The following MTFR1 variants were observed in gnomAD, a reference collection of about 807,000 sequenced individuals.
The protein encoded by MTFR1 is mitochondrial fission regulator 1, also known as chondrocyte protein with a poly-proline region.
In MTFR1, 28 loss-of-function variants were observed where a neutral mutation model predicts 38.8. The ratio of observed to expected loss-of-function variants is 0.72; its 90% CI spans 0.53 to 0.99. MTFR1 has a LOEUF of 0.99. Among genes scored for constraint, MTFR1 ranks in the 50% least tolerant of loss-of-function variants. MTFR1 has a pLI of 0.00. For missense variants in MTFR1, 358 were observed against 395.5 expected, an observed-to-expected ratio of 0.91 and a Z score of 0.81; for synonymous variants, 145 against 137.0, an observed-to-expected ratio of 1.06 and a Z score of -0.41.
At chr8:65,741,400 G>A (rs1807430230) in intron 3 of MTFR1, among the ~76,000 whole-genome samples, 1 of 152,154 alleles carries the variant, frequency 6.6e-6, no homozygotes, top group African/African-American at 2.4e-5. Context: ...ATAAAGGACT[G>A]TTTGGTTAAC....
At chr8:65,751,475 GTTTTT>G (rs796547034) in intron 3 of MTFR1, among the ~76,000 whole-genome samples, 1 of 147,268 alleles carries the variant, frequency 6.8e-6, no homozygotes, top group Non-Finnish European at 1.5e-5. Flanking sequence ...CCTTCCTGAG[GTTTTT>G]TTTTTTCTTT....
chr8:65,675,567 C>G (rs1383064288), intron 2 of MTFR1, among the ~76,000 whole-genome samples: 1 of 152,116 alleles, frequency 6.6e-6, no homozygotes, highest in Non-Finnish European at 1.5e-5. Context: ...CCACTGCACT[C>G]CAGCCTGGGC....
chr8:65,677,375 T>C lies in MTFR1; in HGVS notation c.67-4978T>C, dbSNP rs1804741484. Among the ~76,000 whole-genome samples, 3 of 149,306 alleles carry C rather than the reference T, an allele frequency of 2.0e-5. No homozygotes were observed. In the South Asian group the frequency reaches 6.4e-4, roughly 32 times the overall value. ...ATGAACCACTGCGCCTGGCCCTGTT[T>C]AGCTGTTTCTTTTTTTTTTTTTTTT... On this transcript the variant is annotated intron_variant, in intron 2 of 7. Coordinates refer to ENST00000262146, the MANE Select transcript of MTFR1 (RefSeq NM_014637.4).
Position 65,693,636 on chromosome 8 carries a change from A to G in MTFR1, c.166-8A>G. 6.2e-7 allele frequency: 1 copy of G among 1,611,880 alleles called. No homozygotes were observed. The highest frequency in any genetic ancestry group is 8.5e-7 in the Non-Finnish European group (1 of 1,178,160). ...TGGTGAAGAACTTTCCCTATTTATAACTTACAGATTAACAGCCATGCAACA... is the reference window on the plus strand; with the variant it reads ...TGGTGAAGAACTTTCCCTATTTATAGCTTACAGATTAACAGCCATGCAACA... On this transcript the variant is annotated splice_polypyrimidine_tract_variant and splice_region_variant and intron_variant, in intron 3 of 7. Transcript: ENST00000262146.
intron 3 of MTFR1, among the ~76,000 whole-genome samples, chr8:65,761,142 C>T (rs1347290822): frequency 1.3e-5 from 2 of 152,028 alleles, no homozygotes; most frequent in Non-Finnish European, 2.9e-5. Flanking sequence ...TCACTGCAAC[C>T]TCCGCCTCCC....
At chr8:65,753,786 G>A (rs1318023462) in intron 3 of MTFR1, among the ~76,000 whole-genome samples, 3 of 152,042 alleles carry the variant, frequency 2.0e-5, no homozygotes, top group Non-Finnish European at 4.4e-5. Context: ...TTCATATATT[G>A]TGGAAATCCA....
chr8:65,736,666 G>A (rs1022401838), intron 3 of MTFR1, among the ~76,000 whole-genome samples: 7 of 151,862 alleles, frequency 4.6e-5, no homozygotes, highest in Admixed American at 2.0e-4. Context: ...TGGGAGGATC[G>A]CATGAGCCGA....
At chr8:65,761,699 C>T (rs1808501637) in intron 3 of MTFR1, among the ~76,000 whole-genome samples, 1 of 152,232 alleles carries the variant, frequency 6.6e-6, no homozygotes, top group Non-Finnish European at 1.5e-5. Context: ...ACTTAGTGAT[C>T]ACGGGTATTA....
intron 1 of MTFR1, among the ~76,000 whole-genome samples, chr8:65,669,574 CAG>C (rs1804502706): frequency 6.7e-6 from 1 of 149,830 alleles, no homozygotes; most frequent in Non-Finnish European, 1.5e-5. Flanking sequence ...TTTTTTGAGA[CAG>C]AGTCTCGCTC....
chr8:65,731,966 A>ATATTAT (rs137999443), intron 3 of MTFR1, among the ~76,000 whole-genome samples: 34 of 151,062 alleles, frequency 2.3e-4, no homozygotes, highest in East Asian at 5.8e-4. Flanking sequence ...GTCATTCTCT[A>ATATTAT]TATTATTATT....
intron 3 of MTFR1, among the ~76,000 whole-genome samples, chr8:65,753,092 T>C (rs1489932768): frequency 6.6e-6 from 1 of 152,214 alleles, no homozygotes; most frequent in Non-Finnish European, 1.5e-5. Flanking sequence ...TGGTAGGAAA[T>C]TTAGTCACAA....
chr8:65,732,927 C>G (rs1251357796), intron 3 of MTFR1, among the ~76,000 whole-genome samples: 1 of 151,898 alleles, frequency 6.6e-6, no homozygotes, highest in African/African-American at 2.4e-5. Flanking sequence ...CCAGGCTGGT[C>G]TCAAACTCCT....
At chr8:65,756,295 C>CATGT (rs1424091313) in intron 3 of MTFR1, among the ~76,000 whole-genome samples, 1 of 152,154 alleles carries the variant, frequency 6.6e-6, no homozygotes, top group Non-Finnish European at 1.5e-5. Context: ...TGTGCATATT[C>CATGT]ATGTCTTCAT....
At chr8:65,681,671 G>GTTTTTTTTTTT (rs200580429) in intron 2 of MTFR1, among the ~76,000 whole-genome samples, 9 of 108,360 alleles carry the variant, frequency 8.3e-5, no homozygotes, top group African/African-American at 1.4e-4. Flanking sequence ...TGTTGTTTTT[G>GTTTTTTTTTTT]TTTTTTTTTT....
At chr8:65,716,581 T>C (rs924246096) in intron 2 of MTFR1, among the ~76,000 whole-genome samples, 2 of 152,198 alleles carry the variant, frequency 1.3e-5, no homozygotes, top group African/African-American at 4.8e-5. Context: ...TTGCTTCCCT[T>C]GCTCAGAATC....
chr8:65,773,891 G>A (rs1809183175), downstream of MTFR1, among the ~76,000 whole-genome samples: 1 of 152,158 alleles, frequency 6.6e-6, no homozygotes, highest in Non-Finnish European at 1.5e-5. Context: ...TTCAGTGAAT[G>A]TTAGGGGGTA....
At chr8:65,655,624 C>T (rs981097017) in intron 1 of MTFR1, among the ~76,000 whole-genome samples, 2 of 151,932 alleles carry the variant, frequency 1.3e-5, no homozygotes, top group Non-Finnish European at 2.9e-5. Context: ...GCAGTGGTCC[C>T]TGGACTTGAA....
At chr8:65,718,354 AC>A (rs1464714780) in intron 2 of MTFR1, 1 of 152,224 alleles carries the variant, frequency 6.6e-6, no homozygotes, top group African/African-American at 2.4e-5. Flanking sequence ...GGACTTTAGT[AC>A]CCTTGATCTG....
At chr8:65,653,757 A>C (rs975206097) in intron 1 of MTFR1, among the ~76,000 whole-genome samples, 6 of 152,014 alleles carry the variant, frequency 3.9e-5, no homozygotes, top group Non-Finnish European at 7.4e-5. Context: ...AGAAAATGTT[A>C]CTAGTCTTTA....
Sources: gnomAD v4.1 joint callset for allele counts (sites outside exome capture counted in the v4.1 genomes callset) on GRCh38, gnomAD v4.1.1 for gene constraint, MANE v1.5 for transcripts, NCBI Gene and HGNC (gene_info 2026-07-23, HGNC 2026-07-21) for gene names.